The following GABRB3 variants were observed in gnomAD, a reference collection of about 807,000 sequenced individuals.
The protein encoded by GABRB3 is gamma-aminobutyric acid receptor subunit beta-3.
GABRB3 carries 14 observed loss-of-function variants against 52.1 expected under a neutral mutation model. The observed-to-expected ratio is 0.27, with a 90% confidence interval of 0.18 to 0.42. The LOEUF (loss-of-function observed/expected upper bound fraction) is 0.42, where lower values mean the gene tolerates loss of function less well. Among genes scored for constraint, GABRB3 ranks in the 10% least tolerant of loss-of-function variants. The probability of loss-of-function intolerance (pLI) is 1.00; values close to 1 mark genes in which losing one functional copy is unlikely to be tolerated. For synonymous variants in GABRB3, 260 were observed against 232.3 expected (o/e 1.12, Z -1.08); for missense variants, 307 against 609.1 (o/e 0.50, Z 5.22).
chr15:26,548,495 G>T (rs1889342752), intron 8 of GABRB3, among the ~76,000 whole-genome samples: 1 of 152,058 alleles, frequency 6.6e-6, no homozygotes. Context: ...ACTATACTTT[G>T]AATAAAAACT....
intron 3 of GABRB3, among the ~76,000 whole-genome samples, chr15:26,630,338 A>C (rs913882394): frequency 6.6e-6 from 1 of 152,162 alleles, no homozygotes; most frequent in African/African-American, 2.4e-5. Context: ...TATGGGATTT[A>C]ATGGAGAGTG....
intron 3 of GABRB3, chr15:26,716,553 A>G (rs1001764505): frequency 2.0e-6 from 2 of 987,628 alleles, no homozygotes; most frequent in South Asian, 9.1e-5. Flanking sequence ...AAACCCATAA[A>G]CCGTCTTCAC....
At chr15:26,718,066 A>G (rs1320449676) in intron 3 of GABRB3, among the ~76,000 whole-genome samples, 1 of 152,246 alleles carries the variant, frequency 6.6e-6, no homozygotes, top group Non-Finnish European at 1.5e-5. Flanking sequence ...TATCTATGGC[A>G]GCACTGTTTA....
At chr15:26,718,261 T>C (rs965519914) in intron 3 of GABRB3, among the ~76,000 whole-genome samples, 9 of 152,142 alleles carry the variant, frequency 5.9e-5, no homozygotes, top group Non-Finnish European at 8.8e-5. Flanking sequence ...CAGGCTGGAG[T>C]GCAATGGCAC....
At chr15:26,763,607 T>TACAC (rs150301275) in intron 3 of GABRB3, among the ~76,000 whole-genome samples, 2,459 of 145,930 alleles carry the variant, frequency 0.017, 72 homozygotes, top group African/African-American at 0.056. Context: ...TCTGCATAGA[T>TACAC]ACACACACAC....
chr15:26,644,300 T>C (rs1893291165), intron 3 of GABRB3, among the ~76,000 whole-genome samples: 1 of 152,226 alleles, frequency 6.6e-6, no homozygotes, highest in Non-Finnish European at 1.5e-5. Flanking sequence ...ATCTCAAGAA[T>C]GTGACCTTAT....
rs374565893 is a variant in GABRB3 at position 26,548,169 on chromosome 15, C to G, written c.1081-35G>C. 1.1e-5 allele frequency: 17 copies of G among 1,539,102 alleles called. No homozygotes were observed. The African/African-American group carries it at 2.2e-4, about 20-fold the overall frequency. Reference sequence around the variant, plus strand: ...CGGAAAATGCACATGGTTAGACAGCCAGCAGCATAATTTCCCTATGCAGAT... The same window carrying G: ...CGGAAAATGCACATGGTTAGACAGCGAGCAGCATAATTTCCCTATGCAGAT... On this transcript the variant is annotated intron_variant, in intron 8 of 8. Transcript: ENST00000311550.
chr15:26,716,783 G>GAGGACCTCCACCCAACC (rs1889483653), intron 3 of GABRB3: 1 of 1,037,848 alleles, frequency 9.6e-7, no homozygotes, highest in Non-Finnish European at 1.2e-6. Context: ...TCCACCAAAT[G>GAGGACCTCCACCCAACC]ACAGCCCAGC....
At chr15:26,634,759 C>T (rs189955347) in intron 3 of GABRB3, among the ~76,000 whole-genome samples, 2 of 151,784 alleles carry the variant, frequency 1.3e-5, no homozygotes, top group Non-Finnish European at 2.9e-5. Context: ...ACTGCAGAGT[C>T]ATTGCATACT....
intron 3 of GABRB3, among the ~76,000 whole-genome samples, chr15:26,768,624 A>C (rs1456746054): frequency 2.0e-5 from 3 of 152,208 alleles, no homozygotes; most frequent in Non-Finnish European, 4.4e-5. Flanking sequence ...AATTTTCAGC[A>C]GACAGTGTTA....
At chr15:26,723,245 T>C (rs28495333) in intron 3 of GABRB3, among the ~76,000 whole-genome samples, 3,470 of 152,308 alleles carry the variant, frequency 0.023, 127 homozygotes, top group African/African-American at 0.08. Context: ...TATAAAATTA[T>C]GTGTGCTTTG....
rs897147182 is a variant in GABRB3, at chr15:26,731,887, G to A, written c.240+40515C>T. On this transcript the variant is annotated intron_variant, in intron 3 of 8. Transcript: ENST00000311550. ...AAAATGAAGATTTAATGATATCTGG[G>A]TACTGATGTTTATTTCCTGGTAACA... 6.8e-4 allele frequency among the ~76,000 whole-genome samples: 61 copies of A among 89,750 alleles called. No homozygotes were observed. In the East Asian group the frequency reaches 0.013, roughly 20 times the overall value. 58.9% of individuals were successfully genotyped at this position (89,750 alleles called of 152,430 possible).
chr15:26,767,701 G>C (rs968343995), intron 3 of GABRB3, among the ~76,000 whole-genome samples: 2 of 152,154 alleles, frequency 1.3e-5, no homozygotes, highest in Non-Finnish European at 2.9e-5. Flanking sequence ...TGTTCATTCA[G>C]CACTCACTGA....
At chr15:26,773,689 G>T (rs1392398662), upstream of GABRB3, 2 of 1,576,284 alleles carry the variant, frequency 1.3e-6, no homozygotes, top group Non-Finnish European at 1.7e-6. Flanking sequence ...AGGAGAGCCA[G>T]ATGGGCAGCA....
intron 3 of GABRB3, among the ~76,000 whole-genome samples, chr15:26,721,844 G>C (rs969872507): frequency 6.6e-6 from 1 of 151,898 alleles, no homozygotes; most frequent in Non-Finnish European, 1.5e-5. Context: ...GCAGATTTCA[G>C]CTGCAACTTC....
At chr15:26,585,739 T>G (rs1342400425) in intron 4 of GABRB3, among the ~76,000 whole-genome samples, 1 of 152,102 alleles carries the variant, frequency 6.6e-6, no homozygotes, top group Non-Finnish European at 1.5e-5. Flanking sequence ...AGTCAAGGAG[T>G]GCATTACATT....
chr15:26,553,855 T>G (rs1177062092), intron 8 of GABRB3, among the ~76,000 whole-genome samples: 2 of 151,092 alleles, frequency 1.3e-5, no homozygotes, highest in Non-Finnish European at 2.9e-5. Context: ...AAATACTGCA[T>G]GTTGCCTTTT....
intron 3 of GABRB3, chr15:26,629,185 G>C (rs1892833793): frequency 1.4e-6 from 2 of 1,471,520 alleles, no homozygotes; most frequent in Non-Finnish European, 1.8e-6. Flanking sequence ...CCGGGAGACG[G>C]AGGGCTTTGC....
At chr15:26,638,898 C>T (rs1031734614) in intron 3 of GABRB3, among the ~76,000 whole-genome samples, 34 of 152,166 alleles carry the variant, frequency 2.2e-4, no homozygotes, top group Admixed American at 1.6e-3. Context: ...ACCCCCACCA[C>T]GCTCCGCCGG....
Sources: allele counts gnomAD v4.1 joint callset (sites outside exome capture counted in the v4.1 genomes callset), GRCh38; gene constraint gnomAD v4.1.1; transcripts MANE v1.5; gene names NCBI Gene and HGNC (gene_info 2026-07-23, HGNC 2026-07-21).